MANEA: variants seen among roughly 807,000 people sequenced by gnomAD.
The protein encoded by MANEA is mannosidase endo-alpha.
Under a neutral mutation model 36.8 loss-of-function variants are expected in MANEA, and 25 were observed. The ratio of observed to expected loss-of-function variants is 0.68; its 90% confidence interval spans 0.50 to 0.95. The LOEUF is 0.95. Ranked by LOEUF, MANEA falls within the 40% of genes least tolerant of loss-of-function variation. The pLI is 0.00. For missense variants in MANEA, 565 were observed against 558.8 expected (o/e 1.01, Z -0.11); for synonymous variants, 198 against 188.5 (o/e 1.05, Z -0.41).
At chr6:95,578,809 A>G (rs1032541637) in intron 1 of MANEA, among the ~76,000 whole-genome samples, 1 of 152,224 alleles carries the variant, frequency 6.6e-6, no homozygotes, top group Admixed American at 6.5e-5. Flanking sequence ...TTTATTAGGT[A>G]CATAATCCTT....
At chr6:95,598,046 A>ATT (rs11431676) in intron 3 of MANEA, among the ~76,000 whole-genome samples, 8 of 151,642 alleles carry the variant, frequency 5.3e-5, no homozygotes, top group Non-Finnish European at 8.8e-5. Flanking sequence ...ACTAAAATTA[A>ATT]TTTTTTTTGG....
At chr6:95,583,235 A>T (rs9398417) in intron 1 of MANEA, among the ~76,000 whole-genome samples, 90,552 of 151,778 alleles carry the variant, frequency 0.6, 27,426 homozygotes, top group East Asian at 0.87. Context: ...GGGATGGGTA[A>T]GAGTTAGGAT....
chr6:95,585,151 T>TATAC (rs1491485098), intron 1 of MANEA, among the ~76,000 whole-genome samples: 1 of 130,432 alleles, frequency 7.7e-6, no homozygotes, highest in African/African-American at 2.8e-5. Context: ...TATATATATA[T>TATAC]ACACACACAA....
intron 3 of MANEA, 27 bp from the exon 4 acceptor site, chr6:95,604,800 C>T: frequency 1.0e-6 from 1 of 974,462 alleles, no homozygotes; most frequent in Non-Finnish European, 1.5e-6. Context: ...TAATTTATCC[C>T]CTAACTGATT....
intron 3 of MANEA, among the ~76,000 whole-genome samples, chr6:95,598,221 C>A (rs1769516803): frequency 1.3e-5 from 2 of 152,144 alleles, no homozygotes; most frequent in South Asian, 4.1e-4. Context: ...TACTCACTAT[C>A]TATTGCTGCA....
At chr6:95,581,828 T>G (rs901593925) in intron 1 of MANEA, among the ~76,000 whole-genome samples, 1 of 152,144 alleles carries the variant, frequency 6.6e-6, no homozygotes, top group African/African-American at 2.4e-5. Flanking sequence ...CTTCCAACAT[T>G]CATTACCATT....
intron 4 of MANEA, among the ~76,000 whole-genome samples, 173 bp from the exon 5 acceptor site, chr6:95,605,575 T>C (rs573494720): frequency 6.6e-6 from 1 of 152,314 alleles, no homozygotes; most frequent in Admixed American, 6.5e-5. Context: ...CATTTTCTAA[T>C]GTGTAAAATT....
At chr6:95,585,739 T>C (rs1331635208) in intron 1 of MANEA, among the ~76,000 whole-genome samples, 1 of 152,258 alleles carries the variant, frequency 6.6e-6, no homozygotes, top group African/African-American at 2.4e-5. Context: ...TTTGTAATTT[T>C]TCCCTTTTAT....
In MANEA at chr6:95,606,526, T is replaced by G. The variant is rs531584796; in HGVS notation, c.*121T>G. 2.0e-6 allele frequency: 1 copy of G among 499,522 alleles called. No individual in the cohort carries two copies. The highest frequency in any genetic ancestry group is 3.2e-6 in the Non-Finnish European group (1 of 314,752). 30.9% of individuals were successfully genotyped at this position (499,522 alleles called of 1,614,324 possible). On this transcript the variant is annotated 3_prime_UTR_variant, in exon 5 of 5. Coordinates refer to ENST00000358812, the MANE Select transcript of MANEA (RefSeq NM_024641.4). ...ATACTATTAGTTATATTTAAAAATA[T>G]TTTTTTAAATTCTTTACAGATAATA...
chr6:95,602,179 T>C (rs1466475413), intron 3 of MANEA, among the ~76,000 whole-genome samples: 2 of 152,204 alleles, frequency 1.3e-5, no homozygotes, highest in Non-Finnish European at 2.9e-5. Context: ...CATTAGTCCA[T>C]TTATTTATGC....
intron 3 of MANEA, among the ~76,000 whole-genome samples, chr6:95,599,587 A>G (rs1417497269): frequency 1.3e-5 from 2 of 152,202 alleles, no homozygotes; most frequent in African/African-American, 4.8e-5. Context: ...CCTGTAAGAT[A>G]TGTTATGGAC....
chr6:95,599,381 C>T (rs1769546668), intron 3 of MANEA, among the ~76,000 whole-genome samples: 1 of 150,490 alleles, frequency 6.6e-6, no homozygotes, highest in Non-Finnish European at 1.5e-5. Context: ...GGTGCCACTG[C>T]ACTCCAGCCT....
chr6:95,593,022 T>C (rs1769411848), intron 2 of MANEA, among the ~76,000 whole-genome samples: 1 of 152,146 alleles, frequency 6.6e-6, no homozygotes, highest in Admixed American at 6.6e-5. Context: ...TTGCATTTAG[T>C]TTGCTAATAT....
intron 3 of MANEA, among the ~76,000 whole-genome samples, chr6:95,604,061 G>GGTGTGT (rs71012509): frequency 0.015 from 2,127 of 138,366 alleles, 34 homozygotes; most frequent in East Asian, 0.037. Context: ...TATGTATGTA[G>GGTGTGT]GTGTGTGTGT....
chr6:95,583,909 A>T (rs1446405455), intron 1 of MANEA, among the ~76,000 whole-genome samples: 1 of 152,198 alleles, frequency 6.6e-6, no homozygotes, highest in Non-Finnish European at 1.5e-5. Flanking sequence ...TGGTTAGTTT[A>T]GTGTTTCTTA....
At chr6:95,604,796 A>C in intron 3 of MANEA, 31 bp from the exon 4 acceptor site, 1 of 894,838 alleles carries the variant, frequency 1.1e-6, no homozygotes, top group Non-Finnish European at 1.7e-6. Flanking sequence ...TAGATAATTT[A>C]TCCCCTAACT....
chr6:95,608,983 A>T lies in MANEA; in HGVS notation c.*2578A>T, dbSNP rs980541119. 6.6e-6 allele frequency: 1 copy of T among 151,716 alleles called. No individual in the cohort carries two copies. Among genetic ancestry groups the T allele is most frequent in the Admixed American group, 6.6e-5 (1 of 15,194 alleles). The allele number at this position is 151,716 out of a possible 1,614,324, so 9.4% of individuals were successfully genotyped here. ...CCTACAGATAAGGTGAGCCAACTGC[A>T]TTAGGAAATAACTCTAATAATTCTG... On this transcript the variant is annotated 3_prime_UTR_variant, in exon 5 of 5. Coordinates refer to ENST00000358812, the MANE Select transcript of MANEA (RefSeq NM_024641.4).
At chr6:95,587,980 G>A (rs761307637) in intron 2 of MANEA, among the ~76,000 whole-genome samples, 11 of 150,942 alleles carry the variant, frequency 7.3e-5, no homozygotes, top group Non-Finnish European at 1.5e-4. Flanking sequence ...TTTACAATAC[G>A]CCCCTTTAAC....
rs1562196164 is a variant in MANEA at position 95,586,568 on chromosome 6, CCTT to C, written c.134_136del (p.Leu45del). ...CTTTTGGAGCTCCTTTTGGACTTGA[CCTT>C]CTTCCAGAACTTCATCAACGAACTA... On this transcript the variant is annotated inframe_deletion, in exon 2 of 5. Coordinates refer to ENST00000358812, the MANE Select transcript of MANEA (RefSeq NM_024641.4). The C allele has an allele frequency of 3.7e-6, 6 of 1,613,996 alleles. No individual in the cohort carries two copies. The highest frequency in any genetic ancestry group is 4.2e-6 in the Non-Finnish European group (5 of 1,179,976).
Sources: allele counts gnomAD v4.1 joint callset (sites outside exome capture counted in the v4.1 genomes callset), GRCh38; gene constraint gnomAD v4.1.1; transcripts MANE v1.5; gene names NCBI Gene and HGNC (gene_info 2026-07-23, HGNC 2026-07-21).